TRPM2: variants seen among roughly 807,000 people sequenced by gnomAD.
TRPM2 encodes transient receptor potential cation channel subfamily M member 2.
TRPM2 carries 161 observed loss-of-function variants against 174.0 expected under a neutral mutation model. The ratio of observed to expected loss-of-function variants is 0.93; its 90% confidence interval spans 0.81 to 1.05. The LOEUF is 1.05. Ranked by LOEUF, TRPM2 falls within the 50% of genes least tolerant of loss-of-function variation. The probability of loss-of-function intolerance (pLI) is 0.00; values close to 1 mark genes in which losing one functional copy is unlikely to be tolerated. For synonymous variants in TRPM2, 954 were observed against 861.3 expected, an observed-to-expected ratio of 1.11 and a Z score of -1.88; for missense variants, 2,057 against 2,038.0, an observed-to-expected ratio of 1.01 and a Z score of -0.18.
At chr21:44,382,865 G>T (rs759111180) in intron 9 of TRPM2, 45 bp downstream of exon 9, 1 of 1,543,464 alleles carries the variant, frequency 6.5e-7, no homozygotes, top group Non-Finnish European at 8.9e-7. Flanking sequence ...AGGCCAGAAC[G>T]TGAGCTCTGA....
intron 27 of TRPM2, among the ~76,000 whole-genome samples, chr21:44,427,899 G>C (rs1380381487): frequency 6.6e-6 from 1 of 152,134 alleles, no homozygotes; most frequent in Non-Finnish European, 1.5e-5. Flanking sequence ...CTCTGGTGTT[G>C]GGGGTATGTG....
Position 44,424,992 on chromosome 21 carries a change from G to A in TRPM2, c.3637+53G>A, listed in dbSNP as rs559516655. 7 of 1,511,994 alleles carry A rather than the reference G, an allele frequency of 4.6e-6. No individual in the cohort carries two copies. The South Asian group carries it at 8.4e-5, about 18-fold the overall frequency. The allele number at this position is 1,511,994 out of a possible 1,614,324, so 93.7% of individuals were successfully genotyped here. A position where few individuals can be genotyped will look rare whatever the true frequency, so the allele number is the denominator to read the frequency against. On this transcript the variant is annotated intron_variant, in intron 24 of 31. Transcript: ENST00000397928. ...GTCTCCAGCCGCCTGTTTCTTTTGG[G>A]TCTGGGGTCAGTTGGGAGGAGAGGC...
At chr21:44,390,711 T>C (rs2049146411) in intron 9 of TRPM2, among the ~76,000 whole-genome samples, 193 bp from the exon 10 acceptor site, 1 of 152,142 alleles carries the variant, frequency 6.6e-6, no homozygotes, top group African/African-American at 2.4e-5. Flanking sequence ...GATTCACTGA[T>C]TCTGACTCCG....
rs1344683711 is a variant in TRPM2, at chr21:44,425,667, C to G, written c.3638-3C>G. On this transcript the variant is annotated splice_polypyrimidine_tract_variant and splice_region_variant and intron_variant, in intron 24 of 31. Transcript: ENST00000397928. ...TGCGTCACGTCTTCCTGACTGTCCC[C>G]AGCCTCCCAGAAGGCCGCGGAGGAG... is the stretch of plus-strand genomic sequence containing the variant. 2.0e-6 allele frequency: 3 copies of G among 1,507,698 alleles called. No individual in the cohort carries two copies. The Admixed American group carries it at 6.3e-5, about 31-fold the overall frequency. 93.4% of individuals were successfully genotyped at this position (1,507,698 alleles called of 1,614,324 possible).
chr21:44,403,749 G>GCA (rs1180261279), intron 16 of TRPM2, among the ~76,000 whole-genome samples: 1 of 148,940 alleles, frequency 6.7e-6, no homozygotes, highest in Admixed American at 6.7e-5. Flanking sequence ...ATATAGAGAT[G>GCA]CACACACATG....
rs1183678738 is a variant in TRPM2 at position 44,367,388 on chromosome 21, C to T, written c.604+454C>T. 3.9e-5 allele frequency among the ~76,000 whole-genome samples: 6 copies of T among 152,206 alleles called. No individual in the cohort carries two copies. Among genetic ancestry groups the T allele is most frequent in the Non-Finnish European group, 7.3e-5 (5 of 68,038 alleles). ...TCCCAGTCATCAAGCTTTCCATTAT[C>T]GTGTTTTTCCATCAAAATCAGGGAA... is the stretch of plus-strand genomic sequence containing the variant. On this transcript the variant is annotated intron_variant, in intron 4 of 31. Coordinates refer to ENST00000397928, the MANE Select transcript of TRPM2 (RefSeq NM_003307.4). This position sits in a 1 kb window ranked among gnomAD's most constrained non-coding sequence, Gnocchi z 4.6.
At chr21:44,374,890 G>T (rs1291586766) in intron 5 of TRPM2, among the ~76,000 whole-genome samples, 1 of 152,112 alleles carries the variant, frequency 6.6e-6, no homozygotes, top group Admixed American at 6.5e-5. Flanking sequence ...AGCCCTCTCT[G>T]CCCTGCTCCT....
chr21:44,384,383 G>T (rs972452576), intron 9 of TRPM2, among the ~76,000 whole-genome samples: 2 of 152,184 alleles, frequency 1.3e-5, no homozygotes, highest in Non-Finnish European at 2.9e-5. Flanking sequence ...TGAGGGGCCA[G>T]CATCTGGCAA....
chr21:44,431,030 G>C (rs2051002602), intron 27 of TRPM2, among the ~76,000 whole-genome samples: 1 of 149,632 alleles, frequency 6.7e-6, no homozygotes, highest in Admixed American at 6.6e-5. Context: ...CTAACTTTTG[G>C]ATTTGTTGAT....
At chr21:44,411,302 T>C (rs532867937) in intron 19 of TRPM2, among the ~76,000 whole-genome samples, 7 of 152,314 alleles carry the variant, frequency 4.6e-5, no homozygotes, top group Admixed American at 1.3e-4. Context: ...CAGTAATAAG[T>C]CTTAATGCTT....
chr21:44,435,921 C>T lies in TRPM2; in HGVS notation c.4061+704C>T, dbSNP rs1383806581. 4.2e-3 allele frequency among the ~76,000 whole-genome samples: 579 copies of T among 138,346 alleles called. 14 individuals carry two copies. Among genetic ancestry groups the T allele is most frequent in the African/African-American group, 0.012 (389 of 32,902 alleles). The allele number at this position is 138,346 out of a possible 152,430, so 90.8% of individuals were successfully genotyped here. ...CTCCTCAGACTCACTCCTCCCCACC[C>T]ATCCACAGGGACACAGCCCCACACT... On this transcript the variant is annotated intron_variant, in intron 28 of 31. Coordinates refer to ENST00000397928, the MANE Select transcript of TRPM2 (RefSeq NM_003307.4).
At chr21:44,437,267 G>T (rs2051310616) in intron 29 of TRPM2, 100 bp downstream of exon 29, 2 of 1,107,710 alleles carry the variant, frequency 1.8e-6, no homozygotes, top group Admixed American at 2.0e-5. Context: ...GCCCCCTGCA[G>T]CCCCCTGCAG....
In TRPM2 at chr21:44,377,748, T is replaced by C. The variant is rs1349768746; in HGVS notation, c.989T>C (p.Leu330Pro). The change falls in exon 7 of 32, where the codon CTG becomes CCG. Residue 330 changes from leucine (L) to proline (P), a missense_variant. Coordinates refer to ENST00000397928, the MANE Select transcript of TRPM2 (RefSeq NM_003307.4). ...AIKIPIVCVVLEGGPGTLHTI... is the reference protein window; with the variant it reads ...AIKIPIVCVVPEGGPGTLHTI... Reference sequence around the variant, plus strand: ...AAGATCCCCATCGTGTGCGTGGTGCTGGAGGGCGGCCCGGGCACGTTGCAC... The same window carrying C: ...AAGATCCCCATCGTGTGCGTGGTGCCGGAGGGCGGCCCGGGCACGTTGCAC... 6.2e-7 allele frequency: 1 copy of C among 1,614,052 alleles called. No homozygotes were observed. The highest frequency in any genetic ancestry group is 8.5e-7 in the Non-Finnish European group (1 of 1,180,042).
At position 44,439,067 on chromosome 21, in the gene TRPM2, G is replaced by A. The variant is rs2051389218; in HGVS notation, c.4168G>A (p.Gly1390Ser). ...PLSEHWALPGGSREPGEMLPR... is the reference protein window; with the variant it reads ...PLSEHWALPGSSREPGEMLPR... ...CTGCCTCCGTCCTCTGTCTGTCCAG[G>A]GCTCCCGGGAGCCAGGGGAGATGCT... The change falls in exon 30 of 32, where the codon GGC (glycine) becomes AGC (serine). Residue 1390 changes from glycine (G) to serine (S), a missense_variant and splice_region_variant. Coordinates refer to ENST00000397928, the MANE Select transcript of TRPM2 (RefSeq NM_003307.4). The surrounding 1 kb of genome is among the most constrained non-coding windows in gnomAD (Gnocchi z 5.1). 3.7e-6 allele frequency: 6 copies of A among 1,612,326 alleles called. No homozygotes were observed. The highest frequency in any genetic ancestry group is 2.2e-5 in the East Asian group (1 of 44,836).
intron 11 of TRPM2, among the ~76,000 whole-genome samples, chr21:44,392,830 GT>G (rs1032085534): frequency 2.0e-5 from 3 of 152,118 alleles, no homozygotes; most frequent in South Asian, 2.1e-4. Flanking sequence ...GTGTATGCTG[GT>G]TTTTTCCGAC....
intron 2 of TRPM2, among the ~76,000 whole-genome samples, chr21:44,360,009 G>A (rs1310340620): frequency 1.3e-5 from 2 of 151,982 alleles, no homozygotes; most frequent in African/African-American, 2.4e-5. Flanking sequence ...GCCTCCCAAA[G>A]TGCTGGGATT....
Position 44,376,062 on chromosome 21 carries a change from T to C in TRPM2, c.952+49T>C. On this transcript the variant is annotated intron_variant, in intron 6 of 31. Coordinates refer to ENST00000397928, the MANE Select transcript of TRPM2 (RefSeq NM_003307.4). This position sits in a 1 kb window ranked among gnomAD's most constrained non-coding sequence, Gnocchi z 4.2. The stretch of plus-strand genomic sequence containing the variant: ...TGATTGGGCAGAGAGCACAGTGGGC[T>C]GGTCAGAGTGTCAGGTACAGCTGGT... The C allele has an allele frequency of 2.5e-6, 4 of 1,587,166 alleles. No homozygotes were observed. The highest frequency in any genetic ancestry group is 3.4e-6 in the Non-Finnish European group (4 of 1,162,908).
rs542632945 is a variant in TRPM2 at position 44,382,493 on chromosome 21, G to A, written c.1216-225G>A. ...TCAGGGTGAAGATCCGTTGCCCTTGGATTGTGTTTTCCACCCAACAGACTC... is the reference window on the plus strand; with the variant it reads ...TCAGGGTGAAGATCCGTTGCCCTTGAATTGTGTTTTCCACCCAACAGACTC... On this transcript the variant is annotated intron_variant, in intron 8 of 31. Transcript: ENST00000397928. Among the ~76,000 whole-genome samples, 7 of 152,262 alleles carry A rather than the reference G, an allele frequency of 4.6e-5. No individual in the cohort carries two copies. The South Asian group carries it at 1.5e-3, about 32-fold the overall frequency.
intron 3 of TRPM2, 22 bp downstream of exon 3, chr21:44,364,304 T>C (rs759884239): frequency 6.2e-7 from 1 of 1,612,326 alleles, no homozygotes; most frequent in Non-Finnish European, 8.5e-7. Context: ...TCACTCTCGC[T>C]CTGAACTGTA....
Sources: gnomAD v4.1 joint callset for allele counts (sites outside exome capture counted in the v4.1 genomes callset) on GRCh38, gnomAD v4.1.1 for gene constraint, Gnocchi (gnomAD v3.1) non-coding constraint, MANE v1.5 for transcripts, NCBI Gene and HGNC (gene_info 2026-07-23, HGNC 2026-07-21) for gene names.